Variants in NLGN1 observed in about 807,000 individuals in gnomAD.
NLGN1 encodes the protein neuroligin 1.
A neutral mutation model predicts 65.5 loss-of-function variants in NLGN1; 12 were observed. The ratio of observed to expected loss-of-function variants is 0.18; its 90% CI spans 0.12 to 0.30. The LOEUF is 0.30. Ranked by LOEUF, NLGN1 falls within the 10% of genes least tolerant of loss-of-function variation. The pLI, the probability that NLGN1 is intolerant of heterozygous loss-of-function variation, is 1.00. For missense variants in NLGN1, 750 were observed against 1,007.1 expected, an observed-to-expected ratio of 0.74 and a Z score of 3.46; for synonymous variants, 350 against 359.5, an observed-to-expected ratio of 0.97 and a Z score of 0.30.
chr3:173,980,894 G>T (rs1718631812), intron 4 of NLGN1, among the ~76,000 whole-genome samples: 1 of 152,054 alleles, frequency 6.6e-6, no homozygotes, highest in Admixed American at 6.6e-5. Flanking sequence ...TTCTTTTGGA[G>T]AAATTAATAC....
At chr3:173,540,584 T>C (rs1192582969) in intron 2 of NLGN1, among the ~76,000 whole-genome samples, 2 of 152,182 alleles carry the variant, frequency 1.3e-5, no homozygotes, top group Non-Finnish European at 2.9e-5. Context: ...TCTTTGGCAG[T>C]GGCTCCTTTC....
intron 4 of NLGN1, among the ~76,000 whole-genome samples, chr3:174,039,275 C>T (rs1382512391): frequency 2.0e-5 from 3 of 151,774 alleles, no homozygotes; most frequent in Admixed American, 6.6e-5. Context: ...TTAAATTTTA[C>T]TTTAAGTTCC....
intron 3 of NLGN1, among the ~76,000 whole-genome samples, chr3:173,711,100 G>A (rs1466543214): frequency 1.3e-5 from 2 of 152,130 alleles, no homozygotes; most frequent in African/African-American, 2.4e-5. Context: ...ATTCTAAATT[G>A]TGCAAACAGA....
intron 4 of NLGN1, among the ~76,000 whole-genome samples, chr3:174,085,547 A>G (rs1184273546): frequency 2.0e-5 from 3 of 152,044 alleles, no homozygotes; most frequent in Non-Finnish European, 4.4e-5. Context: ...CCTTTGGAGC[A>G]CTTTTCAAAT....
intron 3 of NLGN1, among the ~76,000 whole-genome samples, chr3:173,720,403 G>T (rs1428795283): frequency 6.6e-6 from 1 of 152,122 alleles, no homozygotes; most frequent in Admixed American, 6.5e-5. Context: ...ATTATAAATG[G>T]TTATTGATAC....
At chr3:173,726,306 T>C (rs1324936510) in intron 3 of NLGN1, among the ~76,000 whole-genome samples, 4 of 151,780 alleles carry the variant, frequency 2.6e-5, no homozygotes, top group Non-Finnish European at 5.9e-5. Context: ...AGAACAGGGG[T>C]AAGAAGACAT....
intron 3 of NLGN1, among the ~76,000 whole-genome samples, chr3:173,646,645 T>C (rs1758319075): frequency 2.6e-5 from 4 of 152,280 alleles, no homozygotes; most frequent in African/African-American, 9.6e-5. Flanking sequence ...AATAAAAAGA[T>C]GTCCACTATA....
chr3:173,456,497 A>G (rs1722535555), intron 2 of NLGN1, among the ~76,000 whole-genome samples: 1 of 152,178 alleles, frequency 6.6e-6, no homozygotes, highest in Non-Finnish European at 1.5e-5. Context: ...TAGTGTTAAT[A>G]TGAATTAAAT....
At chr3:173,775,900 G>A (rs536538700) in intron 3 of NLGN1, among the ~76,000 whole-genome samples, 1 of 152,112 alleles carries the variant, frequency 6.6e-6, no homozygotes, top group Non-Finnish European at 1.5e-5. Flanking sequence ...ACAGCACTGA[G>A]GCTAAAAAGG....
chr3:173,436,683 C>A (rs1311722460), intron 2 of NLGN1, among the ~76,000 whole-genome samples: 1 of 152,158 alleles, frequency 6.6e-6, no homozygotes, highest in East Asian at 1.9e-4. Flanking sequence ...TCCACCCAGG[C>A]CCCCTTGATA....
intron 3 of NLGN1, among the ~76,000 whole-genome samples, chr3:173,680,090 C>T (rs575415657): frequency 7.9e-5 from 12 of 151,886 alleles, no homozygotes; most frequent in South Asian, 4.2e-4. Context: ...TATGTTAAGG[C>T]TAAAGAGAAA....
At chr3:173,732,884 A>G (rs1773079323) in intron 3 of NLGN1, among the ~76,000 whole-genome samples, 1 of 152,092 alleles carries the variant, frequency 6.6e-6, no homozygotes, top group Admixed American at 6.6e-5. Context: ...ATGTATTATA[A>G]AATTATTATG....
intron 2 of NLGN1, among the ~76,000 whole-genome samples, chr3:173,570,590 C>T (rs1010826505): frequency 3.9e-5 from 6 of 152,168 alleles, no homozygotes; most frequent in South Asian, 2.1e-4. Context: ...AAGCCCTCCC[C>T]CCAATGGGTG....
chr3:173,749,149 A>T (rs894090790), intron 3 of NLGN1, among the ~76,000 whole-genome samples: 1 of 152,084 alleles, frequency 6.6e-6, no homozygotes, highest in Non-Finnish European at 1.5e-5. Context: ...ATCTTGAAAA[A>T]ATGTTTATCT....
intron 4 of NLGN1, among the ~76,000 whole-genome samples, chr3:174,268,530 C>T (rs1258966260): frequency 1.3e-5 from 2 of 151,954 alleles, no homozygotes; most frequent in African/African-American, 4.8e-5. Context: ...TAAATTAGGG[C>T]CCTTTTTTCT....
At chr3:173,789,869 C>T (rs1438469128) in intron 3 of NLGN1, 1 of 514,712 alleles carries the variant, frequency 1.9e-6, no homozygotes, top group African/African-American at 1.9e-5. Flanking sequence ...TGCCTCACCT[C>T]CATGCAGCTA....
At chr3:173,559,213 T>C (rs1742243466) in intron 2 of NLGN1, among the ~76,000 whole-genome samples, 1 of 152,194 alleles carries the variant, frequency 6.6e-6, no homozygotes, top group African/African-American at 2.4e-5. Flanking sequence ...TTCGGCCCCT[T>C]TTCCACTACT....
Position 174,279,219 on chromosome 3 carries a change from A to G in NLGN1, c.1218A>G (p.Ile406Met), listed in dbSNP as rs1751149278. The change falls in exon 6 of 7, where the codon ATA (isoleucine) becomes ATG (methionine). Residue 406 changes from isoleucine (I) to methionine (M), a missense_variant. Transcript: ENST00000457714. This position sits in a 1 kb window ranked among gnomAD's most constrained non-coding sequence, Gnocchi z 4.7. ...ATATAGTAGATAGCGATGATGGTAT[A>G]TCAGCTAGTGATTTTGACTTTGCTG... The G allele has an allele frequency of 5.0e-6, 8 of 1,613,278 alleles. No homozygotes were observed. Among genetic ancestry groups the G allele is most frequent in the Non-Finnish European group, 6.8e-6 (8 of 1,179,592 alleles).
chr3:173,941,917 A>G (rs1746170286), intron 4 of NLGN1, among the ~76,000 whole-genome samples: 1 of 151,750 alleles, frequency 6.6e-6, no homozygotes, highest in Admixed American at 6.6e-5. Context: ...TCCATTATCC[A>G]TCTTAAAAAC....
Sources: gnomAD v4.1 joint callset for allele counts (sites outside exome capture counted in the v4.1 genomes callset) on GRCh38, gnomAD v4.1.1 for gene constraint, Gnocchi (gnomAD v3.1) non-coding constraint, MANE v1.5 for transcripts, NCBI Gene and HGNC (gene_info 2026-07-23, HGNC 2026-07-21) for gene names.